Variants in HS3ST4 observed in about 807,000 individuals in gnomAD.
HS3ST4 encodes heparan sulfate glucosamine 3-O-sulfotransferase 4.
In HS3ST4, 17 loss-of-function variants were observed where a neutral mutation model predicts 29.2. The ratio of observed to expected loss-of-function variants is 0.58; its 90% confidence interval spans 0.40 to 0.87. The LOEUF (loss-of-function observed/expected upper bound fraction) is 0.87. HS3ST4 is among the 40% of genes least tolerant of loss of function. The pLI, the probability that HS3ST4 is intolerant of heterozygous loss-of-function variation, is 0.00. For synonymous variants in HS3ST4, 314 were observed against 285.7 expected, an observed-to-expected ratio of 1.10 and a Z score of -1.00; for missense variants, 627 against 634.5, an observed-to-expected ratio of 0.99 and a Z score of 0.13.
intron 1 of HS3ST4, among the ~76,000 whole-genome samples, chr16:25,901,952 G>A (rs1057014686): frequency 3.9e-5 from 6 of 152,292 alleles, no homozygotes; most frequent in Non-Finnish European, 7.4e-5. Context: ...TAATAACACC[G>A]TTGTATCTTA....
intron 1 of HS3ST4, among the ~76,000 whole-genome samples, chr16:25,896,142 T>C (rs967028149): frequency 3.9e-5 from 6 of 152,204 alleles, no homozygotes; most frequent in Non-Finnish European, 7.3e-5. Context: ...TCCAGCTCTG[T>C]TGTTTGTTAC....
chr16:25,772,622 A>G (rs750702793), intron 1 of HS3ST4, among the ~76,000 whole-genome samples: 31 of 152,196 alleles, frequency 2.0e-4, no homozygotes, highest in Non-Finnish European at 2.9e-4. Flanking sequence ...TCAGCCTTTC[A>G]ACTGAAACAT....
At chr16:25,880,761 A>G (rs1227915238) in intron 1 of HS3ST4, among the ~76,000 whole-genome samples, 4 of 152,182 alleles carry the variant, frequency 2.6e-5, no homozygotes, top group Non-Finnish European at 5.9e-5. Context: ...TAGAGGGAAA[A>G]TAGTAACAGG....
intron 1 of HS3ST4, among the ~76,000 whole-genome samples, chr16:25,931,683 G>A (rs1968465538): frequency 1.3e-5 from 2 of 152,236 alleles, no homozygotes; most frequent in Non-Finnish European, 2.9e-5. Flanking sequence ...CTTGGCACAG[G>A]TCTATGCAGA....
chr16:26,094,530 G>A (rs1898900028), intron 1 of HS3ST4, among the ~76,000 whole-genome samples: 1 of 152,122 alleles, frequency 6.6e-6, no homozygotes, highest in South Asian at 2.1e-4. Context: ...CATAAGTGAA[G>A]GAGAAATAGA....
At position 25,963,537 on chromosome 16, in the gene HS3ST4, C is replaced by A. The variant is rs988613413; in HGVS notation, c.735-172075C>A. Among the ~76,000 whole-genome samples the A allele has an allele frequency of 2.6e-5, 4 of 152,358 alleles. No individual in the cohort carries two copies. In the South Asian group the frequency reaches 8.3e-4, roughly 32 times the overall value. On this transcript the variant is annotated intron_variant, in intron 1 of 1. Coordinates refer to ENST00000331351, the MANE Select transcript of HS3ST4 (RefSeq NM_006040.3). ...TCTGACTTCCTGTCCTGTTTTCACT[C>A]TCTTCCTGGCCTGAGTTTCCCATTC...
intron 1 of HS3ST4, among the ~76,000 whole-genome samples, chr16:25,815,273 G>A (rs1196892074): frequency 2.0e-5 from 3 of 152,166 alleles, no homozygotes; most frequent in Non-Finnish European, 4.4e-5. Context: ...CCCCCGTGGG[G>A]CTGGGTGCAG....
intron 1 of HS3ST4, among the ~76,000 whole-genome samples, chr16:25,829,885 G>A (rs947130371): frequency 6.6e-6 from 1 of 152,048 alleles, no homozygotes; most frequent in Non-Finnish European, 1.5e-5. Context: ...GTGCAGTGGT[G>A]CAATCTCAGC....
At chr16:26,071,723 A>T (rs1056846717) in intron 1 of HS3ST4, among the ~76,000 whole-genome samples, 5 of 152,172 alleles carry the variant, frequency 3.3e-5, no homozygotes, top group African/African-American at 1.2e-4. Context: ...GGCTGGAACC[A>T]TAATGAGGAA....
At chr16:25,968,437 C>T (rs74765890) in intron 1 of HS3ST4, among the ~76,000 whole-genome samples, 2 of 152,130 alleles carry the variant, frequency 1.3e-5, no homozygotes, top group East Asian at 3.9e-4. Flanking sequence ...AGATGAGGCA[C>T]GTGCACTCCA....
intron 1 of HS3ST4, among the ~76,000 whole-genome samples, chr16:26,107,263 A>G (rs2141800525): frequency 6.6e-6 from 1 of 152,056 alleles, no homozygotes; most frequent in East Asian, 1.9e-4. Context: ...ACACACACAC[A>G]CATATATATG....
chr16:26,120,708 C>T (rs532128581), intron 1 of HS3ST4, among the ~76,000 whole-genome samples: 1 of 152,176 alleles, frequency 6.6e-6, no homozygotes. Flanking sequence ...ATGATTGACC[C>T]CAGCAACGCT....
intron 1 of HS3ST4, among the ~76,000 whole-genome samples, chr16:25,710,674 C>G (rs562558314): frequency 6.8e-4 from 104 of 151,968 alleles, no homozygotes; most frequent in African/African-American, 2.5e-3. Context: ...TTTCTTGCTA[C>G]TTATTTTAAG....
At chr16:26,083,737 A>G (rs1898751528) in intron 1 of HS3ST4, among the ~76,000 whole-genome samples, 1 of 152,228 alleles carries the variant, frequency 6.6e-6, no homozygotes, top group African/African-American at 2.4e-5. Context: ...GGAAGAAAAA[A>G]AAAATAAACC....
intron 1 of HS3ST4, among the ~76,000 whole-genome samples, chr16:25,997,577 T>C (rs113185153): frequency 0.032 from 4,933 of 152,332 alleles, 120 homozygotes; most frequent in Middle Eastern, 0.071. Context: ...ACTGGCTTCA[T>C]GGTCATGATG....
At chr16:26,089,928 T>C (rs1180491999) in intron 1 of HS3ST4, among the ~76,000 whole-genome samples, 1 of 152,166 alleles carries the variant, frequency 6.6e-6, no homozygotes, top group African/African-American at 2.4e-5. Flanking sequence ...CCTTGTGAAC[T>C]GCATGAGAAA....
intron 1 of HS3ST4, among the ~76,000 whole-genome samples, chr16:25,946,890 C>T (rs1968631113): frequency 6.6e-6 from 1 of 152,042 alleles, no homozygotes; most frequent in Non-Finnish European, 1.5e-5. Flanking sequence ...GTAGTGCACA[C>T]TCAAGGAACT....
intron 1 of HS3ST4, among the ~76,000 whole-genome samples, chr16:25,981,609 C>CTTTTTT (rs376892231): frequency 6.6e-5 from 9 of 136,820 alleles, no homozygotes; most frequent in African/African-American, 8.2e-5. Context: ...TGGTGGAGTT[C>CTTTTTT]TTTTTTTTTT....
intron 1 of HS3ST4, among the ~76,000 whole-genome samples, chr16:25,925,589 C>T (rs1162883648): frequency 1.3e-5 from 2 of 152,178 alleles, no homozygotes; most frequent in Non-Finnish European, 2.9e-5. Flanking sequence ...AGCTGCAAAT[C>T]CCCTAAGTGC....
Sources: gnomAD v4.1 joint callset for allele counts (sites outside exome capture counted in the v4.1 genomes callset) on GRCh38, gnomAD v4.1.1 for gene constraint, MANE v1.5 for transcripts, NCBI Gene and HGNC (gene_info 2026-07-23, HGNC 2026-07-21) for gene names.